AFF2: variants seen among roughly 807,000 people sequenced by gnomAD.
AFF2 encodes AF4/FMR2 family member 2.
AFF2 carries 14 observed loss-of-function variants against 76.9 expected under a neutral mutation model. The ratio of observed to expected loss-of-function variants is 0.18; its 90% CI spans 0.12 to 0.28. AFF2 has a LOEUF of 0.28. AFF2 is among the 10% of genes least tolerant of loss of function. The probability of loss-of-function intolerance (pLI) is 1.00; values close to 1 mark genes in which losing one functional copy is unlikely to be tolerated. For missense variants in AFF2, 868 were observed against 1,001.1 expected (o/e 0.87, Z 1.79); for synonymous variants, 398 against 366.7 (o/e 1.09, Z -0.98).
chrX:148,710,628 C>G (rs1251084844), intron 3 of AFF2, among the ~76,000 whole-genome samples: 1 of 111,740 alleles, frequency 8.9e-6, no homozygotes, highest in Non-Finnish European at 1.9e-5. Context: ...TCACCTGAAA[C>G]AAAAAGTCTA....
At chrX:148,960,442 C>T (rs2072095601) in intron 12 of AFF2, among the ~76,000 whole-genome samples, 1 of 112,309 alleles carries the variant, frequency 8.9e-6, no homozygotes, top group African/African-American at 3.2e-5. Context: ...CTCTGCTTTT[C>T]TAGTAGGTGG....
chrX:148,906,641 G>T (rs2071410254), intron 9 of AFF2, among the ~76,000 whole-genome samples: 1 of 112,066 alleles, frequency 8.9e-6, no homozygotes, highest in Admixed American at 9.4e-5. Flanking sequence ...AGGCATTTGA[G>T]CCAGATCAGG....
chrX:148,720,442 A>G (rs782339418), intron 3 of AFF2, among the ~76,000 whole-genome samples: 6 of 109,259 alleles, frequency 5.5e-5, no homozygotes, highest in Non-Finnish European at 1.1e-4. Context: ...TTAATCTTTT[A>G]CCTATAACTC....
rs930275496 is a variant in AFF2 at position 148,977,818 on chromosome X, T to C, written c.3405-115T>C. 87 of 557,582 alleles carry C rather than the reference T, an allele frequency of 1.6e-4. No homozygotes were observed. In the African/African-American group the frequency reaches 1.8e-3, roughly 11 times the overall value. The allele number at this position is 557,582 out of a possible 1,213,427, so 46.0% of individuals were successfully genotyped here. ...TTTGCCCACATGTACCAGTCAGTCC[T>C]CTTGCCCAGAACAAATGTGGGAATA... On this transcript the variant is annotated intron_variant, in intron 16 of 20. Transcript: ENST00000370460.
intron 9 of AFF2, among the ~76,000 whole-genome samples, chrX:148,917,775 T>C (rs782773364): frequency 8.9e-6 from 1 of 112,554 alleles, no homozygotes; most frequent in African/African-American, 3.2e-5. Context: ...ACAAGCTTTC[T>C]TTAATTTTAT....
At chrX:148,812,750 A>G (rs1034828276) in intron 4 of AFF2, among the ~76,000 whole-genome samples, 5 of 110,763 alleles carry the variant, frequency 4.5e-5, no homozygotes, top group Non-Finnish European at 9.5e-5. Flanking sequence ...CAGCCCCTCA[A>G]TCCTCCAGGC....
At chrX:148,522,223 C>T (rs1166596817) in intron 1 of AFF2, among the ~76,000 whole-genome samples, 1 of 112,657 alleles carries the variant, frequency 8.9e-6, no homozygotes, top group African/African-American at 3.2e-5. Context: ...AAAGTCTTCA[C>T]TTCTTCTCCA....
chrX:148,945,765 G>A (rs1429675156), intron 9 of AFF2, among the ~76,000 whole-genome samples: 2 of 112,253 alleles, frequency 1.8e-5, no homozygotes, highest in Non-Finnish European at 3.8e-5. Flanking sequence ...AGGAAACTGA[G>A]ACCCTTATGT....
At chrX:148,616,670 C>T (rs1184070194) in intron 1 of AFF2, among the ~76,000 whole-genome samples, 1 of 110,093 alleles carries the variant, frequency 9.1e-6, no homozygotes, top group African/African-American at 3.3e-5. Flanking sequence ...GTGTGCTGCA[C>T]CCATTAACTC....
rs2053972427 is a variant in AFF2, at chrX:148,630,826, CT to C, written c.48-21171del. Among the ~76,000 whole-genome samples, 3 of 112,275 alleles carry C rather than the reference CT, an allele frequency of 2.7e-5. No homozygotes were observed. In the East Asian group the frequency reaches 8.5e-4, roughly 32 times the overall value. The stretch of plus-strand genomic sequence containing the variant: ...AATCTCTGGTTCAGCCTGACCTGTT[CT>C]TCATAGCTGCCATTCCACGGTTTTC... On this transcript the variant is annotated intron_variant, in intron 1 of 20. Coordinates refer to ENST00000370460, the MANE Select transcript of AFF2 (RefSeq NM_002025.4).
chrX:148,997,115 C>G lies in AFF2; in HGVS notation c.*5783C>G, dbSNP rs782388538. 5 of 112,230 alleles carry G rather than the reference C, an allele frequency of 4.5e-5. No individual in the cohort carries two copies. Among genetic ancestry groups the G allele is most frequent in the South Asian group, 3.7e-4 (1 of 2,694 alleles). The allele number at this position is 112,230 out of a possible 1,213,427, so 9.2% of individuals were successfully genotyped here. ...ATTTGTTTTTAGTTAAAAGTATCTACTTACTGTTTTAGCTCTGAACTCAAA... is the reference window on the plus strand; with the variant it reads ...ATTTGTTTTTAGTTAAAAGTATCTAGTTACTGTTTTAGCTCTGAACTCAAA... On this transcript the variant is annotated 3_prime_UTR_variant, in exon 21 of 21. Coordinates refer to ENST00000370460, the MANE Select transcript of AFF2 (RefSeq NM_002025.4).
intron 3 of AFF2, among the ~76,000 whole-genome samples, chrX:148,751,299 G>A (rs1334809924): frequency 8.9e-6 from 1 of 112,230 alleles, no homozygotes; most frequent in Non-Finnish European, 1.9e-5. Context: ...TGTGGACAGG[G>A]TAAAAACCAA....
rs782687017 is a variant in AFF2, at chrX:148,990,694, G to C, written c.3815-517G>C. 3.6e-5 allele frequency among the ~76,000 whole-genome samples: 4 copies of C among 111,998 alleles called. No homozygotes were observed. In the South Asian group the frequency reaches 1.5e-3, roughly 42 times the overall value. The stretch of plus-strand genomic sequence containing the variant: ...TTTCCATCCCCAATGAAATTGGTAA[G>C]AAGACTTACAGAATCAAATTCCTCC... On this transcript the variant is annotated intron_variant, in intron 20 of 20. Transcript: ENST00000370460.
chrX:148,964,510 A>G (rs782776921), intron 13 of AFF2, among the ~76,000 whole-genome samples: 5 of 112,012 alleles, frequency 4.5e-5, no homozygotes, highest in Non-Finnish European at 9.4e-5. Flanking sequence ...AACCTTTAAG[A>G]CATTATGCTA....
At chrX:148,719,998 TC>T (rs201751707) in intron 3 of AFF2, among the ~76,000 whole-genome samples, 2,169 of 111,211 alleles carry the variant, frequency 0.02, 57 homozygotes, top group African/African-American at 0.068. Context: ...CCATTTGCAC[TC>T]CCAGCCTCTT....
At chrX:148,737,323 GT>G (rs1174207749) in intron 3 of AFF2, among the ~76,000 whole-genome samples, 1 of 110,984 alleles carries the variant, frequency 9.0e-6, no homozygotes, top group Non-Finnish European at 1.9e-5. Flanking sequence ...CCTTGTAGAT[GT>G]TTTTTTCTCC....
intron 3 of AFF2, among the ~76,000 whole-genome samples, chrX:148,727,256 A>G (rs781852944): frequency 1.8e-5 from 2 of 111,527 alleles, no homozygotes; most frequent in South Asian, 3.8e-4. Context: ...CTCAACTTCA[A>G]ACACAAATAT....
Position 148,762,420 on chromosome X carries a change from T to TATATATATATATATAC in AFF2, c.1042-47455_1042-47454insTATATATATATATACA, listed in dbSNP as rs1225408056. Among the ~76,000 whole-genome samples, 3 of 101,121 alleles carry TATATATATATATATAC rather than the reference T, an allele frequency of 3.0e-5. 1 individual carries two copies. Among genetic ancestry groups the TATATATATATATATAC allele is most frequent in the African/African-American group, 1.3e-4 (3 of 22,354 alleles). 87.8% of individuals were successfully genotyped at this position (101,121 alleles called of 115,157 possible). ...AGTAGTATTCTATGGTATATATATA[T>TATATATATATATATAC]ACACATGCACACATATATATGCTTA... is the stretch of plus-strand genomic sequence containing the variant. On this transcript the variant is annotated intron_variant, in intron 3 of 20. Coordinates refer to ENST00000370460, the MANE Select transcript of AFF2 (RefSeq NM_002025.4).
intron 3 of AFF2, among the ~76,000 whole-genome samples, chrX:148,681,557 T>TCA (rs1235159253): frequency 0.05 from 4,083 of 82,195 alleles, 279 homozygotes; most frequent in African/African-American, 0.16. Flanking sequence ...TGTGTGTGTG[T>TCA]GTGTGTCAGT....
Sources: allele counts gnomAD v4.1 joint callset (sites outside exome capture counted in the v4.1 genomes callset), GRCh38; gene constraint gnomAD v4.1.1; transcripts MANE v1.5; gene names NCBI Gene and HGNC (gene_info 2026-07-23, HGNC 2026-07-21).